TULP4: variants seen among roughly 807,000 people sequenced by gnomAD.
TULP4 encodes the protein tubby-related protein 4.
TULP4 carries 16 observed loss-of-function variants against 129.0 expected under a neutral mutation model. The ratio of observed to expected loss-of-function variants is 0.12; its 90% CI spans 0.08 to 0.19. The LOEUF (loss-of-function observed/expected upper bound fraction) is 0.19, where lower values mean the gene tolerates loss of function less well. Among genes scored for constraint, TULP4 ranks in the 10% least tolerant of loss-of-function variants. The pLI is 1.00. For synonymous variants in TULP4, 998 were observed against 854.0 expected (o/e 1.17, Z -2.94); for missense variants, 1,842 against 2,059.1 (o/e 0.89, Z 2.04).
rs750371896 is a variant in TULP4, at chr6:158,502,721, G to A, written c.3058G>A (p.Gly1020Arg). 114 of 1,561,396 alleles carry A rather than the reference G, an allele frequency of 7.3e-5. No homozygotes were observed. The highest frequency in any genetic ancestry group is 8.8e-5 in the Non-Finnish European group (102 of 1,157,912). The change falls in exon 13 of 14, where the codon GGG becomes AGG. Residue 1020 changes from glycine to arginine, a missense_variant. By Grantham distance (125) the Gly-to-Arg change is moderately radical. Transcript: ENST00000367097. ...CCTGGCCAAGTCCAAGGGCGGGCCC[G>A]GGGGGGTGGTGACACAGCTCCCAGC... ...QPLAKSKGGP[G>R]GVVTQLPARP...
At chr6:158,234,790 G>T (rs533591219) in intron 1 of TULP4, among the ~76,000 whole-genome samples, 1 of 152,140 alleles carries the variant, frequency 6.6e-6, no homozygotes, top group Non-Finnish European at 1.5e-5. Context: ...GTTTTAATTT[G>T]GCTGAGATAA....
At chr6:158,467,350 G>A (rs1026632013) in intron 6 of TULP4, among the ~76,000 whole-genome samples, 3 of 150,000 alleles carry the variant, frequency 2.0e-5, no homozygotes, top group Non-Finnish European at 4.4e-5. Flanking sequence ...TGCGATCAGC[G>A]TTCACTGCAA....
At chr6:158,418,262 A>C (rs1778259071) in intron 2 of TULP4, among the ~76,000 whole-genome samples, 1 of 151,724 alleles carries the variant, frequency 6.6e-6, no homozygotes, top group African/African-American at 2.4e-5. Flanking sequence ...ATGCATCACC[A>C]CACCCGGCTA....
chr6:158,394,925 G>A (rs1265741697), intron 1 of TULP4, among the ~76,000 whole-genome samples: 1 of 151,708 alleles, frequency 6.6e-6, no homozygotes, highest in East Asian at 1.9e-4. Context: ...TTGAAATCAT[G>A]CAGTTGGAAG....
rs776920426 is a variant in TULP4 at position 158,481,170 on chromosome 6, C to T, written c.1367C>T (p.Pro456Leu). Residue 456 changes from proline (P) to leucine (L), a missense_variant, in exon 8 of 14, where the codon CCG (proline) becomes CTG (leucine). This residue lies in a region of TULP4 where 456 missense variants were observed against 534.3 expected (regional missense o/e 0.85). Coordinates refer to ENST00000367097, the MANE Select transcript of TULP4 (RefSeq NM_020245.5). ...GAGGACGACCCGGAGGTGGGCGGCC[C>T]GTGCTACACGCTCTACCTGGAGTAC... ...RTEDDPEVGGPCYTLYLEYLG... is the reference protein window; with the variant it reads ...RTEDDPEVGGLCYTLYLEYLG... 53 of 1,614,070 alleles carry T rather than the reference C, an allele frequency of 3.3e-5. No individual in the cohort carries two copies. The highest frequency in any genetic ancestry group is 4.2e-5 in the Non-Finnish European group (49 of 1,180,040).
intron 1 of TULP4, among the ~76,000 whole-genome samples, chr6:158,410,375 T>TA (rs1778068680): frequency 7.2e-6 from 1 of 138,216 alleles, no homozygotes. Context: ...GGCAAAAATG[T>TA]AAATGTGGCT....
At chr6:158,467,321 C>T (rs1275112003) in intron 6 of TULP4, among the ~76,000 whole-genome samples, 23 of 150,428 alleles carry the variant, frequency 1.5e-4, no homozygotes, top group Admixed American at 1.5e-3. Context: ...CTCTTGTTGC[C>T]CAAGCTGGAG....
At chr6:158,418,100 T>G (rs762696880) in intron 2 of TULP4, among the ~76,000 whole-genome samples, 34 of 84,160 alleles carry the variant, frequency 4.0e-4, no homozygotes, top group East Asian at 1.6e-3. Context: ...TGTGTGTGTG[T>G]TTTTTTTTTT....
chr6:158,294,374 TAA>T (rs1026333697), intron 1 of TULP4, among the ~76,000 whole-genome samples: 1 of 140,322 alleles, frequency 7.1e-6, no homozygotes, highest in Admixed American at 7.1e-5. Context: ...AAAAAAAAAA[TAA>T]AAAAAAAAAT....
intron 1 of TULP4, among the ~76,000 whole-genome samples, chr6:158,299,587 A>G (rs1242976388): frequency 6.6e-6 from 1 of 152,166 alleles, no homozygotes; most frequent in Non-Finnish European, 1.5e-5. Context: ...CTAGATGGAT[A>G]CAACCAGGTG....
In TULP4 at chr6:158,377,220, C is replaced by G. The variant is rs75261158; in HGVS notation, c.253-35845C>G. Among the ~76,000 whole-genome samples, 309 of 152,354 alleles carry G rather than the reference C, an allele frequency of 2.0e-3. 1 individual carries two copies. The highest frequency in any genetic ancestry group is 3.7e-3 in the Non-Finnish European group (250 of 68,034). Reference sequence around the variant, plus strand: ...GCCACGTGGCCAGCACTGTCTTACACACACAGTAACATCTCTGTGGCTAAG... The same window carrying G: ...GCCACGTGGCCAGCACTGTCTTACAGACACAGTAACATCTCTGTGGCTAAG... On this transcript the variant is annotated intron_variant, in intron 1 of 13. Coordinates refer to ENST00000367097, the MANE Select transcript of TULP4 (RefSeq NM_020245.5).
intron 1 of TULP4, among the ~76,000 whole-genome samples, chr6:158,294,213 C>G (rs1357802175): frequency 6.6e-6 from 1 of 151,758 alleles, no homozygotes; most frequent in Non-Finnish European, 1.5e-5. Context: ...AAAATACAAA[C>G]ATTAGCTGGG....
At chr6:158,456,703 G>A (rs755487952) in intron 5 of TULP4, among the ~76,000 whole-genome samples, 20 of 152,078 alleles carry the variant, frequency 1.3e-4, no homozygotes, top group Non-Finnish European at 1.9e-4. Flanking sequence ...GCATGGTGGC[G>A]TGTGCGTGTA....
At chr6:158,405,218 T>C (rs1032084477) in intron 1 of TULP4, among the ~76,000 whole-genome samples, 7 of 152,326 alleles carry the variant, frequency 4.6e-5, no homozygotes, top group African/African-American at 1.4e-4. Flanking sequence ...AAGTAAAATA[T>C]GGTCATTGTG....
rs553855293 is a variant in TULP4, at chr6:158,502,811, G to A, written c.3148G>A (p.Gly1050Arg). ...CSGTGPSSQP[G>R]ASLAHTASAS... is the part of the protein sequence containing the mutation. ...TGGCACAGGGCCCAGCTCACAGCCC[G>A]GAGCCTCCCTGGCCCATACCGCCAG... Residue 1050 changes from glycine to arginine, a missense_variant, in exon 13 of 14, where the codon GGA becomes AGA. By Grantham distance (125) the Gly-to-Arg change is moderately radical (BLOSUM62 -2). Transcript: ENST00000367097. 6.0e-5 allele frequency: 96 copies of A among 1,611,822 alleles called. No individual in the cohort carries two copies. The highest frequency in any genetic ancestry group is 7.7e-5 in the Non-Finnish European group (91 of 1,179,814).
At chr6:158,285,199 T>C (rs1778815201) in intron 1 of TULP4, among the ~76,000 whole-genome samples, 1 of 152,186 alleles carries the variant, frequency 6.6e-6, no homozygotes, top group Non-Finnish European at 1.5e-5. Context: ...TTATGTTAGC[T>C]TTATGTTGTC....
At chr6:158,258,724 T>C (rs748329724) in intron 1 of TULP4, among the ~76,000 whole-genome samples, 2 of 152,206 alleles carry the variant, frequency 1.3e-5, no homozygotes, top group Non-Finnish European at 2.9e-5. Context: ...TCACCAGTGC[T>C]AACAAAAAAT....
At chr6:158,504,603 G>A (rs867441515) in intron 13 of TULP4, among the ~76,000 whole-genome samples, 34 of 150,738 alleles carry the variant, frequency 2.3e-4, no homozygotes, top group Non-Finnish European at 3.2e-4. Context: ...TGATCTGCCC[G>A]CCTTGGCCTC....
chr6:158,391,906 A>T (rs907877951), intron 1 of TULP4, among the ~76,000 whole-genome samples: 2 of 152,140 alleles, frequency 1.3e-5, no homozygotes, highest in African/African-American at 4.8e-5. Context: ...TGCTTTGCTC[A>T]CTTCTTTTTT....
Sources: allele counts gnomAD v4.1 joint callset (sites outside exome capture counted in the v4.1 genomes callset), GRCh38; gene constraint gnomAD v4.1.1; regional missense constraint gnomAD v4.1.1; transcripts MANE v1.5; gene names NCBI Gene and HGNC (gene_info 2026-07-23, HGNC 2026-07-21).